UQCC5: variants seen among roughly 807,000 people sequenced by gnomAD.
The protein encoded by UQCC5 is UPF0640 protein C3orf78.
the UQCC5 span, among the ~76,000 whole-genome samples, chr3:52,538,649 T>C: frequency 6.6e-6 from 1 of 152,014 alleles, no homozygotes; most frequent in Non-Finnish European, 1.5e-5. Context: ...TTAGTAGACA[T>C]GGGGTGTCTC....
At chr3:52,536,668 C>T in the UQCC5 span, 82 of 1,516,432 alleles carry the variant, frequency 5.4e-5, no homozygotes, top group African/African-American at 9.1e-4. Flanking sequence ...TCGCGGTACA[C>T]GGCGAGAACG....
At chr3:52,536,745 C>A in the UQCC5 span, 10 of 1,551,704 alleles carry the variant, frequency 6.4e-6, no homozygotes, top group East Asian at 1.7e-4. Context: ...TCTCCACGAC[C>A]TCGGTCGAGC....
the UQCC5 span, among the ~76,000 whole-genome samples, chr3:52,539,566 A>C: frequency 1.9e-4 from 29 of 152,148 alleles, no homozygotes; most frequent in African/African-American, 6.8e-4. Context: ...TGGTGACTGA[A>C]GGGGCATGAT....
the UQCC5 span, among the ~76,000 whole-genome samples, chr3:52,539,325 G>A: frequency 6.6e-6 from 1 of 152,290 alleles, no homozygotes; most frequent in Non-Finnish European, 1.5e-5. Context: ...GCGGCTGAGC[G>A]GGTAAGACGG....
the UQCC5 span, among the ~76,000 whole-genome samples, chr3:52,538,068 GA>G: frequency 6.6e-6 from 1 of 152,256 alleles, no homozygotes; most frequent in African/African-American, 2.4e-5. Context: ...AACATGTGGA[GA>G]ATGGCTCCTT....
At chr3:52,537,558 T>TA in the UQCC5 span, among the ~76,000 whole-genome samples, 2 of 152,258 alleles carry the variant, frequency 1.3e-5, no homozygotes, top group African/African-American at 2.4e-5. Context: ...AAAGAATTGT[T>TA]ACATTAGTGA....
At chr3:52,536,639 C>T in the UQCC5 span, 1 of 1,486,288 alleles carries the variant, frequency 6.7e-7, no homozygotes, top group Non-Finnish European at 9.0e-7. Context: ...CGGAGGACGG[C>T]GCTCGCTAGT....
At chr3:52,540,108 A>G in the UQCC5 span, among the ~76,000 whole-genome samples, 3 of 152,350 alleles carry the variant, frequency 2.0e-5, no homozygotes, top group East Asian at 5.8e-4. Flanking sequence ...TTTAGTTAAG[A>G]AGGATGACTT....
At chr3:52,540,763 G>C in the UQCC5 span, 2 of 286,490 alleles carry the variant, frequency 7.0e-6, no homozygotes. Context: ...ACAATTCAAG[G>C]ATCAATCAGG....
the UQCC5 span, among the ~76,000 whole-genome samples, chr3:52,539,919 G>C: frequency 6.6e-6 from 1 of 152,212 alleles, no homozygotes; most frequent in Non-Finnish European, 1.5e-5. Context: ...TTACAGGCGT[G>C]AGCCACTGTG....
At chr3:52,536,918 G>C in the UQCC5 span, 1 of 1,551,418 alleles carries the variant, frequency 6.4e-7, no homozygotes, top group South Asian at 1.2e-5. Flanking sequence ...TAAGTGAGGG[G>C]GTAGCAGTCT....
At chr3:52,538,980 A>T in the UQCC5 span, among the ~76,000 whole-genome samples, 1 of 152,254 alleles carries the variant, frequency 6.6e-6, no homozygotes, top group East Asian at 1.9e-4. Flanking sequence ...AGAGGGTGGG[A>T]CCAGAGCTGG....
chr3:52,538,383 C>A, the UQCC5 span, among the ~76,000 whole-genome samples: 1 of 152,164 alleles, frequency 6.6e-6, no homozygotes, highest in African/African-American at 2.4e-5. Flanking sequence ...GCTCAGGAGG[C>A]AAATCTGGGC....
the UQCC5 span, chr3:52,536,693 G>C: frequency 2.0e-6 from 3 of 1,537,522 alleles, no homozygotes; most frequent in Non-Finnish European, 2.6e-6. Flanking sequence ...GGGCGGTCTC[G>C]GCTGCGTCCG....
chr3:52,537,571 C>T, the UQCC5 span, among the ~76,000 whole-genome samples: 3 of 152,324 alleles, frequency 2.0e-5, 1 homozygote, highest in South Asian at 6.2e-4. Context: ...ATTAGTGATT[C>T]CTAAAGATCC....
the UQCC5 span, chr3:52,536,793 G>A: frequency 1.3e-6 from 2 of 1,551,808 alleles, no homozygotes; most frequent in South Asian, 1.2e-5. Flanking sequence ...ATTCTGCAGC[G>A]GGTGCCCGGG....
At chr3:52,537,402 A>G in the UQCC5 span, among the ~76,000 whole-genome samples, 2 of 152,218 alleles carry the variant, frequency 1.3e-5, no homozygotes, top group Non-Finnish European at 2.9e-5. Flanking sequence ...CACTGTAAAG[A>G]TAGTGGTAAC....
the UQCC5 span, chr3:52,541,634 C>T: frequency 1.3e-5 from 2 of 152,188 alleles, no homozygotes; most frequent in Non-Finnish European, 2.9e-5. Context: ...CCTCTGCCAT[C>T]AGGGAGAGGA....
At chr3:52,536,888 G>T in the UQCC5 span, 3 of 1,551,646 alleles carry the variant, frequency 1.9e-6, no homozygotes, top group South Asian at 3.6e-5. Flanking sequence ...TAAAGTGCGC[G>T]TGGGCCAGGA....
Sources: gnomAD v4.1 joint callset for allele counts (sites outside exome capture counted in the v4.1 genomes callset) on GRCh38, gnomAD v4.1.1 for gene constraint, MANE v1.5 for transcripts, NCBI Gene and HGNC (gene_info 2026-07-23, HGNC 2026-07-21) for gene names.